Variants in ZFP69B observed in about 807,000 individuals in gnomAD.
ZFP69B encodes the protein ZFP69 zinc finger protein B, also known as zinc finger protein 69 homolog B.
In ZFP69B, 20 loss-of-function variants were observed where a neutral mutation model predicts 19.7. The observed-to-expected ratio is 1.02, with a 90% CI of 0.71 to 1.48. ZFP69B has a LOEUF of 1.48. Among genes scored for constraint, ZFP69B ranks in the 40% most tolerant of loss-of-function variants. The pLI is 0.00. For missense variants in ZFP69B, 583 were observed against 632.6 expected (o/e 0.92, Z 0.84); for synonymous variants, 220 against 222.7 (o/e 0.99, Z 0.11).
intron 4 of ZFP69B, among the ~76,000 whole-genome samples, chr1:40,462,216 G>A (rs1348844169): frequency 6.6e-6 from 1 of 151,986 alleles, no homozygotes; most frequent in African/African-American, 2.4e-5. Flanking sequence ...CACCGCACCT[G>A]GTCCACCTTA....
Position 40,450,939 on chromosome 1 carries a change from CAGAA to C in ZFP69B, c.-20_-17del, listed in dbSNP as rs765459222. 1 of 1,536,856 alleles carries C rather than the reference CAGAA, an allele frequency of 6.5e-7. No homozygotes were observed. The highest frequency in any genetic ancestry group is 8.8e-7 in the Non-Finnish European group (1 of 1,140,178). ...CCTATGGGCTAAGACAGAGGGTCCT[CAGAA>C]AGGAGTGCGGACGCCGTCATGCTGC... On this transcript the variant is annotated 5_prime_UTR_variant, in exon 1 of 5. Coordinates refer to ENST00000361584, the MANE Select transcript of ZFP69B (RefSeq NM_023070.3).
chr1:40,451,131 C>T (rs1351955650), intron 1 of ZFP69B, 43 bp downstream of exon 1: 1 of 1,464,786 alleles, frequency 6.8e-7, no homozygotes, highest in Non-Finnish European at 9.1e-7. Context: ...AAGCAGTCCC[C>T]TCTAGTGTGA....
chr1:40,450,511 G>A lies in ZFP69B; in HGVS notation c.-451G>A, dbSNP rs1170304614. The A allele has an allele frequency of 6.6e-6, 1 of 152,488 alleles. No homozygotes were observed. Among genetic ancestry groups the A allele is most frequent in the East Asian group, 1.9e-4 (1 of 5,190 alleles). 9.4% of individuals were successfully genotyped at this position (152,488 alleles called of 1,614,324 possible). A position where few individuals can be genotyped will look rare whatever the true frequency, so the allele number is the denominator to read the frequency against. Reference sequence around the variant, plus strand: ...CTTTGTGCTTCCTGACATGTGCGCGGTGCTTTGAATTTTGTGGGCTGTGTC... The same window carrying A: ...CTTTGTGCTTCCTGACATGTGCGCGATGCTTTGAATTTTGTGGGCTGTGTC... On this transcript the variant is annotated 5_prime_UTR_variant, in exon 1 of 5. It adds an upstream start codon to the 5' untranslated region. Transcript: ENST00000361584.
chr1:40,454,388 C>A, intron 2 of ZFP69B, 100 bp downstream of exon 2: 1 of 778,504 alleles, frequency 1.3e-6, no homozygotes, highest in Non-Finnish European at 1.9e-6. Flanking sequence ...ATTGGCTTTT[C>A]TTTTTTTTTC....
In ZFP69B at chr1:40,457,376, C is replaced by T. The variant is rs776677965; in HGVS notation, c.373C>T (p.Gln125Ter). Residue 125 changes from glutamine (Q) to a stop codon, truncating the protein, a stop_gained, in exon 4 of 5, where the codon CAG becomes TAG. Transcript: ENST00000361584. LOFTEE classifies it high-confidence loss of function. ...GCTTTCCAAACCTGGCGTGATTTCC[C>T]AGTTGGAGAAAGGAGAAGAACCATG... is the stretch of plus-strand genomic sequence containing the variant. The part of the protein sequence containing the change: ...CQLSKPGVIS[Q>*]LEKGEEPWLM... The T allele has an allele frequency of 1.9e-6, 3 of 1,614,004 alleles. No homozygotes were observed. Among genetic ancestry groups the T allele is most frequent in the African/African-American group, 1.3e-5 (1 of 74,900 alleles).
intron 4 of ZFP69B, among the ~76,000 whole-genome samples, chr1:40,460,979 C>CAAAA (rs35932276): frequency 2.7e-5 from 2 of 75,378 alleles, no homozygotes; most frequent in African/African-American, 4.6e-5. Context: ...GACTTTGTCT[C>CAAAA]AAAAAAAAAA....
At position 40,463,339 on chromosome 1, in the gene ZFP69B, G is replaced by A. The variant is rs778260248; in HGVS notation, c.1355G>A (p.Cys452Tyr). 6.2e-7 allele frequency: 1 copy of A among 1,614,156 alleles called. No homozygotes were observed. The highest frequency in any genetic ancestry group is 2.2e-5 in the East Asian group (1 of 44,874). The change falls in exon 5 of 5, where the codon TGT becomes TAT. Residue 452 changes from cysteine (C) to tyrosine (Y), a missense_variant. Transcript: ENST00000361584. Reference protein sequence around the residue: ...TGERPYKCKECGKAFSQRIHL... With the variant: ...TGERPYKCKEYGKAFSQRIHL... ...GAAAGACCATATAAATGTAAGGAAT[G>A]TGGGAAAGCCTTTAGCCAGAGAATA...
At position 40,451,662 on chromosome 1, in the gene ZFP69B, G is replaced by T. The variant is rs573453243; in HGVS notation, c.127+574G>T. Among the ~76,000 whole-genome samples, 16 of 144,042 alleles carry T rather than the reference G, an allele frequency of 1.1e-4. 1 individual carries two copies. In the South Asian group the frequency reaches 1.7e-3, roughly 16 times the overall value. 94.5% of individuals were successfully genotyped at this position (144,042 alleles called of 152,430 possible). ...AAAATAGAGAAAGACGTGGGGGGGG[G>T]GGAATTCATTTGCAAACATTGGAGG... On this transcript the variant is annotated intron_variant, in intron 1 of 4. Transcript: ENST00000361584.
intron 4 of ZFP69B, among the ~76,000 whole-genome samples, chr1:40,459,629 C>T (rs1645264182): frequency 6.6e-6 from 1 of 152,168 alleles, no homozygotes; most frequent in Non-Finnish European, 1.5e-5. Flanking sequence ...GTTGCATTTG[C>T]TGATGTCTTA....
At chr1:40,459,315 T>G (rs1645261579) in intron 4 of ZFP69B, among the ~76,000 whole-genome samples, 1 of 152,250 alleles carries the variant, frequency 6.6e-6, no homozygotes, top group East Asian at 1.9e-4. Context: ...AACCCTATTC[T>G]TATGTATCTC....
At position 40,450,836 on chromosome 1, in the gene ZFP69B, G is replaced by A. The variant is rs1645178913; in HGVS notation, c.-126G>A. On this transcript the variant is annotated 5_prime_UTR_variant, in exon 1 of 5. Transcript: ENST00000361584. The stretch of plus-strand genomic sequence containing the variant: ...GAGAGGACATTGAGGAGTAGGAGTC[G>A]GCGATTAAGGAGATCGGTACAATTG... The A allele has an allele frequency of 9.0e-7, 1 of 1,108,190 alleles. No homozygotes were observed. The highest frequency in any genetic ancestry group is 1.6e-5 in the African/African-American group (1 of 61,298). The allele number at this position is 1,108,190 out of a possible 1,614,324, so 68.6% of individuals were successfully genotyped here. A position where few individuals can be genotyped will look rare whatever the true frequency, so the allele number is the denominator to read the frequency against.
In ZFP69B at chr1:40,462,639, CA is replaced by C; in HGVS notation, c.656del (p.Gln219ArgfsTer16). 2 of 1,613,984 alleles carry C rather than the reference CA, an allele frequency of 1.2e-6. No homozygotes were observed. The highest frequency in any genetic ancestry group is 1.7e-6 in the Non-Finnish European group (2 of 1,179,982). On this transcript the variant is annotated frameshift_variant, in exon 5 of 5. Transcript: ENST00000361584. LOFTEE classifies it low-confidence loss of function (END_TRUNC). ...CCTGATGTGCAAGAAAACATTCACT[CA>C]GGAGAGAGGCCAAGAGTCTAATAGA... ...IPLMCKKTFT[Q>X]ERGQESNRFE...
chr1:40,456,840 C>T, intron 2 of ZFP69B, 105 bp from the exon 3 acceptor site: 1 of 1,420,472 alleles, frequency 7.0e-7, no homozygotes, highest in Non-Finnish European at 9.6e-7. Context: ...AAATGATTAG[C>T]AAGACAGTAT....
Position 40,451,077 on chromosome 1 carries a change from T to G in ZFP69B, c.116T>G (p.Phe39Cys). 6.5e-7 allele frequency: 1 copy of G among 1,541,356 alleles called. No homozygotes were observed. The highest frequency in any genetic ancestry group is 8.8e-7 in the Non-Finnish European group (1 of 1,142,198). The change falls in exon 1 of 5, where the codon TTT becomes TGT. Residue 39 changes from phenylalanine (F) to cysteine (C), a missense_variant. Transcript: ENST00000361584. The stretch of plus-strand genomic sequence containing the variant: ...CTGTGGGAGGATGTGACTAAGATGT[T>G]TAAAGCAGAAGGTAAGAATAAACTG... ...VALWEDVTKM[F>C]KAEALLSQDA... is the part of the protein sequence containing the mutation.
chr1:40,463,298 G>A lies in ZFP69B; in HGVS notation c.1314G>A (p.Gln438=). 6.2e-7 allele frequency: 1 copy of A among 1,614,120 alleles called. No individual in the cohort carries two copies. Among genetic ancestry groups the A allele is most frequent in the Non-Finnish European group, 8.5e-7 (1 of 1,180,026 alleles). ...FSHSTYLTQH[Q]RTHTGERPYK... is the part of the protein sequence containing the mutation. ...ATAGTACATACCTAACTCAACACCA[G>A]AGAACTCATACTGGAGAAAGACCAT... The change falls in exon 5 of 5, where the codon CAG becomes CAA. Residue 438 remains glutamine, a synonymous_variant. Transcript: ENST00000361584.
chr1:40,450,938 T>A lies in ZFP69B; in HGVS notation c.-24T>A. On this transcript the variant is annotated 5_prime_UTR_variant, in exon 1 of 5. Transcript: ENST00000361584. ...CCCTATGGGCTAAGACAGAGGGTCC[T>A]CAGAAAGGAGTGCGGACGCCGTCAT... 1 of 1,536,450 alleles carries A rather than the reference T, an allele frequency of 6.5e-7. No individual in the cohort carries two copies. The highest frequency in any genetic ancestry group is 8.8e-7 in the Non-Finnish European group (1 of 1,139,994).
At chr1:40,459,418 C>G (rs1017722435) in intron 4 of ZFP69B, among the ~76,000 whole-genome samples, 1 of 152,204 alleles carries the variant, frequency 6.6e-6, no homozygotes, top group Non-Finnish European at 1.5e-5. Flanking sequence ...GTTTCTCATC[C>G]TAACCTCCCC....
At position 40,463,284 on chromosome 1, in the gene ZFP69B, C is replaced by T. The variant is rs376946140; in HGVS notation, c.1300C>T (p.Leu434=). The T allele has an allele frequency of 6.2e-7, 1 of 1,614,024 alleles. No homozygotes were observed. Among genetic ancestry groups the T allele is most frequent in the Non-Finnish European group, 8.5e-7 (1 of 1,180,002 alleles). ...TAAAACCTTCAGCCATAGTACATAC[C>T]TAACTCAACACCAGAGAACTCATAC... ...CSKTFSHSTY[L]TQHQRTHTGE... Residue 434 remains leucine, a synonymous_variant, in exon 5 of 5, where the codon CTA becomes TTA. Coordinates refer to ENST00000361584, the MANE Select transcript of ZFP69B (RefSeq NM_023070.3).
intron 4 of ZFP69B, among the ~76,000 whole-genome samples, chr1:40,458,720 A>G (rs895729434): frequency 6.6e-6 from 1 of 152,110 alleles, no homozygotes; most frequent in African/African-American, 2.4e-5. Context: ...GGGTTTCGCT[A>G]TGTTGGCCAG....
Sources: gnomAD v4.1 joint callset for allele counts (sites outside exome capture counted in the v4.1 genomes callset) on GRCh38, gnomAD v4.1.1 for gene constraint, MANE v1.5 for transcripts, NCBI Gene and HGNC (gene_info 2026-07-23, HGNC 2026-07-21) for gene names.